Variants in TRIM36 observed in about 807,000 individuals in gnomAD.
TRIM36 encodes E3 ubiquitin-protein ligase TRIM36.
A neutral mutation model predicts 72.4 loss-of-function variants in TRIM36; 42 were observed. The ratio of observed to expected loss-of-function variants is 0.58; its 90% CI spans 0.45 to 0.75. The LOEUF (loss-of-function observed/expected upper bound fraction) is 0.75, where lower values mean the gene tolerates loss of function less well. TRIM36 is among the 30% of genes least tolerant of loss of function. TRIM36 has a pLI of 0.00. For synonymous variants in TRIM36, 315 were observed against 282.8 expected, an observed-to-expected ratio of 1.11 and a Z score of -1.14; for missense variants, 913 against 857.1, an observed-to-expected ratio of 1.07 and a Z score of -0.81.
At chr5:115,144,321 T>G (rs557130724) in intron 4 of TRIM36, among the ~76,000 whole-genome samples, 11 of 152,186 alleles carry the variant, frequency 7.2e-5, no homozygotes, top group Non-Finnish European at 1.5e-4. Context: ...TTGGGCTCAT[T>G]TGGGTATCAT....
At position 115,139,277 on chromosome 5, in the gene TRIM36, G is replaced by T. The variant is rs143152606; in HGVS notation, c.832-1661C>A. Among the ~76,000 whole-genome samples, 506 of 151,894 alleles carry T rather than the reference G, an allele frequency of 3.3e-3. 3 individuals carry two copies. The highest frequency in any genetic ancestry group is 0.012 in the African/African-American group (486 of 41,382). ...CTGGGATTACAGGTGTGCACCACCA[G>T]GCCAGGCTAATTTTTTTGTATCTTT... is the stretch of plus-strand genomic sequence containing the variant. On this transcript the variant is annotated intron_variant, in intron 5 of 9. Transcript: ENST00000513154.
intron 4 of TRIM36, among the ~76,000 whole-genome samples, chr5:115,141,701 T>C (rs1374377225): frequency 6.6e-6 from 1 of 152,174 alleles, no homozygotes; most frequent in African/African-American, 2.4e-5. Flanking sequence ...CTAAGGCTTC[T>C]AAGTAAATGG....
At position 115,169,893 on chromosome 5, in the gene TRIM36, G is replaced by T. The variant is rs749253713; in HGVS notation, c.-259C>A. ...CCGCCCAGCTGCCGGCTGCAGCAGC[G>T]GCTCCTGCGGACTGCGGCTGGGAAC... On this transcript the variant is annotated 5_prime_UTR_variant, in exon 1 of 10. Coordinates refer to ENST00000513154, the MANE Select transcript of TRIM36 (RefSeq NM_001300759.2). 2.3e-6 allele frequency: 3 copies of T among 1,298,964 alleles called. No homozygotes were observed. Among genetic ancestry groups the T allele is most frequent in the East Asian group, 3.1e-5 (1 of 31,870 alleles). 80.5% of individuals were successfully genotyped at this position (1,298,964 alleles called of 1,614,324 possible). A position where few individuals can be genotyped will look rare whatever the true frequency, so the allele number is the denominator to read the frequency against.
At chr5:115,168,673 T>C (rs897762516) in intron 1 of TRIM36, among the ~76,000 whole-genome samples, 1 of 152,186 alleles carries the variant, frequency 6.6e-6, no homozygotes, top group Non-Finnish European at 1.5e-5. Flanking sequence ...CCATATCACC[T>C]CCCAACTGTT....
At chr5:115,138,503 C>T (rs1438107491) in intron 5 of TRIM36, among the ~76,000 whole-genome samples, 1 of 152,154 alleles carries the variant, frequency 6.6e-6, no homozygotes, top group Non-Finnish European at 1.5e-5. Flanking sequence ...TAAATCCTGA[C>T]TTAGCTGTGT....
intron 8 of TRIM36, 70 bp downstream of exon 8, chr5:115,133,790 G>A (rs1260995482): frequency 2.7e-6 from 4 of 1,461,476 alleles, no homozygotes; most frequent in South Asian, 1.4e-5. Context: ...TGGAGATACT[G>A]ACTAGTTTAT....
Position 115,126,135 on chromosome 5 carries a change from A to C in TRIM36, c.*368T>G, listed in dbSNP as rs1033687103. 1 of 183,624 alleles carries C rather than the reference A, an allele frequency of 5.4e-6. No individual in the cohort carries two copies. Among genetic ancestry groups the C allele is most frequent in the Non-Finnish European group, 1.1e-5 (1 of 87,340 alleles). 11.4% of individuals were successfully genotyped at this position (183,624 alleles called of 1,614,324 possible). ...AGGACATAAACATGATATAAAAATG[A>C]AAAGTCAAACAGAAGAGAATCATAA... On this transcript the variant is annotated 3_prime_UTR_variant, in exon 10 of 10. Transcript: ENST00000513154.
At chr5:115,156,188 C>T (rs546518834) in intron 2 of TRIM36, among the ~76,000 whole-genome samples, 6 of 152,188 alleles carry the variant, frequency 3.9e-5, no homozygotes, top group Admixed American at 2.6e-4. Flanking sequence ...GGAAACACAT[C>T]CCATGCTCAC....
rs527294550 is a variant in TRIM36 at position 115,129,519 on chromosome 5, T to C, written c.1796+1073A>G. On this transcript the variant is annotated intron_variant, in intron 9 of 9. Coordinates refer to ENST00000513154, the MANE Select transcript of TRIM36 (RefSeq NM_001300759.2). Reference sequence around the variant, plus strand: ...GTTGCGGTGAGCCAAGATCGCGCCATTGCACTCCAGCCTGGTCAACAAGAG... The same window carrying C: ...GTTGCGGTGAGCCAAGATCGCGCCACTGCACTCCAGCCTGGTCAACAAGAG... Among the ~76,000 whole-genome samples the C allele has an allele frequency of 2.0e-5, 3 of 152,180 alleles. No homozygotes were observed. In the South Asian group the frequency reaches 6.2e-4, roughly 32 times the overall value.
intron 2 of TRIM36, among the ~76,000 whole-genome samples, chr5:115,162,781 G>A (rs781495671): frequency 6.6e-6 from 1 of 152,066 alleles, no homozygotes; most frequent in Non-Finnish European, 1.5e-5. Flanking sequence ...CAGATTGGCA[G>A]CAAGGGAGGA....
chr5:115,171,101 G>A (rs147229588), upstream of TRIM36: 22 of 1,614,212 alleles, frequency 1.4e-5, no homozygotes, highest in South Asian at 1.6e-4. Flanking sequence ...GAGACATCTC[G>A]TTTAGGTTTT....
intron 4 of TRIM36, among the ~76,000 whole-genome samples, 185 bp downstream of exon 4, chr5:115,144,413 A>G (rs903396108): frequency 2.7e-4 from 41 of 152,214 alleles, no homozygotes; most frequent in African/African-American, 9.6e-4. Context: ...GGGCCTTATC[A>G]GTACCACAAA....
intron 5 of TRIM36, among the ~76,000 whole-genome samples, chr5:115,140,785 T>C (rs947722844): frequency 6.6e-6 from 1 of 152,170 alleles, no homozygotes; most frequent in Non-Finnish European, 1.5e-5. Context: ...GGCATGTGGG[T>C]AGATCCCACT....
At chr5:115,171,323 T>A, upstream of TRIM36, 1 of 1,523,402 alleles carries the variant, frequency 6.6e-7, no homozygotes, top group South Asian at 1.2e-5. Flanking sequence ...GGACGAAAGC[T>A]TTGCCAGGTA....
Position 115,144,667 on chromosome 5 carries a change from C to CA in TRIM36, c.665dup (p.Cys223ValfsTer2). 6.2e-7 allele frequency: 1 copy of CA among 1,613,920 alleles called. No homozygotes were observed. Among genetic ancestry groups the CA allele is most frequent in the Non-Finnish European group, 8.5e-7 (1 of 1,179,982 alleles). Reference sequence around the variant, plus strand: ...TGGCATGATTACCACCCAACTTACACAGATGGCAAACTGGCCTCCTACATA... The same window carrying CA: ...TGGCATGATTACCACCCAACTTACACAAGATGGCAAACTGGCCTCCTACATA... On this transcript the variant is annotated frameshift_variant, in exon 4 of 10. Coordinates refer to ENST00000513154, the MANE Select transcript of TRIM36 (RefSeq NM_001300759.2). LOFTEE classifies it high-confidence loss of function.
At chr5:115,171,249 C>T (rs574593057), upstream of TRIM36, 4 of 1,613,404 alleles carry the variant, frequency 2.5e-6, no homozygotes, top group African/African-American at 5.3e-5. Flanking sequence ...GAATTAAAAA[C>T]ACTGAGGGAC....
intron 4 of TRIM36, among the ~76,000 whole-genome samples, chr5:115,142,554 C>A (rs1753334395): frequency 6.6e-6 from 1 of 152,124 alleles, no homozygotes; most frequent in Non-Finnish European, 1.5e-5. Context: ...GTAAAAGCAC[C>A]ACACTCTCTG....
Position 115,125,261 on chromosome 5 carries a change from T to C in TRIM36, c.*1242A>G, listed in dbSNP as rs997380960. 2 of 152,026 alleles carry C rather than the reference T, an allele frequency of 1.3e-5. No homozygotes were observed. The highest frequency in any genetic ancestry group is 4.8e-5 in the African/African-American group (2 of 41,428). The allele number at this position is 152,026 out of a possible 1,614,324, so 9.4% of individuals were successfully genotyped here. The stretch of plus-strand genomic sequence containing the variant: ...TCTGAATATTTTAACCTCAAAAAAA[T>C]AAGTACTTTAAATAAAAACCACCTA... On this transcript the variant is annotated 3_prime_UTR_variant, in exon 10 of 10. Coordinates refer to ENST00000513154, the MANE Select transcript of TRIM36 (RefSeq NM_001300759.2).
At chr5:115,144,806 C>T (rs1162164083) in intron 3 of TRIM36, 62 bp from the exon 4 acceptor site, 1 of 1,501,078 alleles carries the variant, frequency 6.7e-7, no homozygotes, top group East Asian at 2.5e-5. Flanking sequence ...TAACAAATTA[C>T]CAAAATACAA....
Sources: allele counts gnomAD v4.1 joint callset (sites outside exome capture counted in the v4.1 genomes callset), GRCh38; gene constraint gnomAD v4.1.1; transcripts MANE v1.5; gene names NCBI Gene and HGNC (gene_info 2026-07-23, HGNC 2026-07-21).